The following DPP6 variants were observed in gnomAD, a reference collection of about 807,000 sequenced individuals.
DPP6 encodes the protein A-type potassium channel modulatory protein DPP6.
A neutral mutation model predicts 122.6 loss-of-function variants in DPP6; 69 were observed. The ratio of observed to expected loss-of-function variants is 0.56; its 90% CI spans 0.46 to 0.69. DPP6 has a LOEUF of 0.69. Ranked by LOEUF, DPP6 falls within the 30% of genes least tolerant of loss-of-function variation. The probability of loss-of-function intolerance (pLI) is 0.00; values close to 1 mark genes in which losing one functional copy is unlikely to be tolerated. For synonymous variants in DPP6, 418 were observed against 433.1 expected, an observed-to-expected ratio of 0.97 and a Z score of 0.43; for missense variants, 928 against 1,116.9, an observed-to-expected ratio of 0.83 and a Z score of 2.41.
intron 16 of DPP6, among the ~76,000 whole-genome samples, chr7:154,846,497 T>C (rs938001175): frequency 6.6e-6 from 1 of 152,242 alleles, no homozygotes. Flanking sequence ...GTCAGCTTCC[T>C]TGTTTCACAC....
chr7:154,222,540 A>C (rs1319509435), intron 1 of DPP6, among the ~76,000 whole-genome samples: 2 of 148,758 alleles, frequency 1.3e-5, no homozygotes, highest in Non-Finnish European at 2.9e-5. Context: ...CTGTAATCCC[A>C]GCTACTCAGG....
intron 3 of DPP6, among the ~76,000 whole-genome samples, chr7:154,526,632 A>G (rs1827426703): frequency 6.6e-6 from 1 of 152,242 alleles, no homozygotes; most frequent in African/African-American, 2.4e-5. Context: ...GTTCTAGATT[A>G]TAAATATGGT....
chr7:154,206,724 C>T (rs1292653325), intron 1 of DPP6, among the ~76,000 whole-genome samples: 1 of 152,190 alleles, frequency 6.6e-6, no homozygotes, highest in East Asian at 1.9e-4. Flanking sequence ...CGGGGTTTTA[C>T]TGTAGAGCGA....
intron 3 of DPP6, among the ~76,000 whole-genome samples, chr7:154,539,798 A>G (rs1263795991): frequency 1.3e-5 from 2 of 151,556 alleles, no homozygotes; most frequent in Non-Finnish European, 2.9e-5. Flanking sequence ...AAAAAAAATT[A>G]TTGGTGTATT....
At chr7:154,676,652 T>G (rs965133057) in intron 7 of DPP6, among the ~76,000 whole-genome samples, 1 of 152,220 alleles carries the variant, frequency 6.6e-6, no homozygotes, top group Non-Finnish European at 1.5e-5. Context: ...AAGCCACACC[T>G]CAGTGTGAAG....
chr7:154,032,847 A>ACCCCATC (rs1274641539), intron 1 of DPP6, among the ~76,000 whole-genome samples: 2 of 129,768 alleles, frequency 1.5e-5, no homozygotes, highest in South Asian at 2.7e-4. Context: ...CCCCCCACCG[A>ACCCCATC]CCCCATCCCC....
rs552197203 is a variant in DPP6, at chr7:154,732,100, G to A, written c.883+4213G>A. 1.1e-4 allele frequency among the ~76,000 whole-genome samples: 16 copies of A among 151,700 alleles called. No individual in the cohort carries two copies. In the East Asian group the frequency reaches 2.5e-3, roughly 24 times the overall value. On this transcript the variant is annotated intron_variant, in intron 8 of 25. Transcript: ENST00000377770. ...GTCACCCAGGCTGGAGTGTAGTGGCGCAATCTCGGCTCACTGCAAGCTCCG... is the reference window on the plus strand; with the variant it reads ...GTCACCCAGGCTGGAGTGTAGTGGCACAATCTCGGCTCACTGCAAGCTCCG...
At chr7:153,751,290 TGTAGC>T in the DPP6 span, among the ~76,000 whole-genome samples, 3 of 152,300 alleles carry the variant, frequency 2.0e-5, no homozygotes, top group South Asian at 6.2e-4. Context: ...TGATTACTGG[TGTAGC>T]AATTTACACT....
At chr7:154,180,376 T>A (rs955738892) in intron 1 of DPP6, among the ~76,000 whole-genome samples, 33 of 146,716 alleles carry the variant, frequency 2.2e-4, no homozygotes, top group Admixed American at 6.9e-4. Flanking sequence ...TCTCTCAAAA[T>A]ATATATATAA....
chr7:154,180,461 G>GAT (rs1169097420), intron 1 of DPP6, among the ~76,000 whole-genome samples: 1 of 140,092 alleles, frequency 7.1e-6, no homozygotes, highest in Admixed American at 7.2e-5. Flanking sequence ...ATTATATATA[G>GAT]ATATATATTT....
chr7:154,043,294 G>C (rs1799854733), intron 1 of DPP6, among the ~76,000 whole-genome samples: 1 of 150,294 alleles, frequency 6.7e-6, no homozygotes, highest in African/African-American at 2.5e-5. Flanking sequence ...TTGGGAGTCT[G>C]AGGCAGGAGA....
At chr7:154,120,918 G>C (rs1807402698) in intron 1 of DPP6, among the ~76,000 whole-genome samples, 1 of 152,180 alleles carries the variant, frequency 6.6e-6, no homozygotes, top group Non-Finnish European at 1.5e-5. Flanking sequence ...ATCTCACTTT[G>C]AATTGTAATA....
intron 1 of DPP6, among the ~76,000 whole-genome samples, chr7:154,364,000 G>A (rs1357100603): frequency 6.6e-6 from 1 of 152,162 alleles, no homozygotes; most frequent in African/African-American, 2.4e-5. Context: ...TCAGGGCGGT[G>A]GGGAGTGTGT....
At chr7:154,185,865 C>T (rs1211970406) in intron 1 of DPP6, among the ~76,000 whole-genome samples, 1 of 152,196 alleles carries the variant, frequency 6.6e-6, no homozygotes, top group African/African-American at 2.4e-5. Context: ...TCTGCATTCA[C>T]TGGGTAGAAC....
At chr7:154,581,489 AAGG>A (rs146619377) in intron 5 of DPP6, among the ~76,000 whole-genome samples, 2,835 of 152,280 alleles carry the variant, frequency 0.019, 97 homozygotes, top group African/African-American at 0.065. Context: ...AGAACAGGGA[AAGG>A]AGGAGAACAC....
chr7:154,179,464 A>T lies in DPP6; in HGVS notation c.243+126401A>T, dbSNP rs149098180. On this transcript the variant is annotated intron_variant, in intron 1 of 25. Coordinates refer to ENST00000377770, the MANE Select transcript of DPP6 (RefSeq NM_130797.4). ...ACTTTGGGCTGAATATTGATATTCT[A>T]GGGATAAATTCTTGATACCCTAAAA... Among the ~76,000 whole-genome samples, 1,290 of 152,288 alleles carry T rather than the reference A, an allele frequency of 8.5e-3. 5 individuals are homozygous for T. Among genetic ancestry groups the T allele is most frequent in the Non-Finnish European group, 0.013 (913 of 68,010 alleles).
chr7:154,031,665 C>T (rs1585203635), intron 1 of DPP6, among the ~76,000 whole-genome samples: 2 of 151,938 alleles, frequency 1.3e-5, no homozygotes, highest in East Asian at 3.9e-4. Context: ...CTGGAGATTC[C>T]CTTCTCAAGA....
At chr7:154,091,252 G>A (rs1236288197) in intron 1 of DPP6, among the ~76,000 whole-genome samples, 1 of 152,212 alleles carries the variant, frequency 6.6e-6, no homozygotes, top group Non-Finnish European at 1.5e-5. Context: ...GGCACTCACA[G>A]CAAATAGGAA....
At chr7:153,975,547 T>C (rs1203028372) in intron 1 of DPP6, among the ~76,000 whole-genome samples, 1 of 144,708 alleles carries the variant, frequency 6.9e-6, no homozygotes, top group Non-Finnish European at 1.5e-5. Context: ...GTATATTTTC[T>C]AAAAAAAAAA....
Sources: allele counts gnomAD v4.1 joint callset (sites outside exome capture counted in the v4.1 genomes callset), GRCh38; gene constraint gnomAD v4.1.1; transcripts MANE v1.5; gene names NCBI Gene and HGNC (gene_info 2026-07-23, HGNC 2026-07-21).